Variants in MACF1 observed in about 807,000 individuals in gnomAD.
MACF1 encodes microtubule actin crosslinking factor 1.
A neutral mutation model predicts 854.8 loss-of-function variants in MACF1; 193 were observed. That is an observed-to-expected ratio of 0.23 (90% CI 0.20 to 0.25). MACF1 has a LOEUF of 0.25. MACF1 is among the 10% of genes least tolerant of loss of function. The probability of loss-of-function intolerance (pLI) is 1.00; values close to 1 mark genes in which losing one functional copy is unlikely to be tolerated. For missense variants in MACF1, 7,722 were observed against 8,929.1 expected (o/e 0.86, Z 5.45); for synonymous variants, 3,185 against 3,226.7 (o/e 0.99, Z 0.44).
intron 85 of MACF1, 54 bp downstream of exon 85, chr1:39,451,265 T>G: frequency 6.5e-7 from 1 of 1,530,108 alleles, no homozygotes; most frequent in South Asian, 1.3e-5. Context: ...TGTATATGAC[T>G]GCCTAGGGTC....
Position 39,368,109 on chromosome 1 carries a change from G to A in MACF1, c.12772-39G>A, listed in dbSNP as rs781040550. ...TTCCTTTTTAGAGTATATTTATAAG[G>A]ATTAGAGGATTTAATACATTTCCTT... On this transcript the variant is annotated intron_variant, in intron 49 of 100. Coordinates refer to ENST00000564288, the MANE Select transcript of MACF1 (RefSeq NM_001394062.1). 1.9e-6 allele frequency: 3 copies of A among 1,585,642 alleles called. No homozygotes were observed. The South Asian group carries it at 3.3e-5, about 18-fold the overall frequency.
intron 58 of MACF1, among the ~76,000 whole-genome samples, chr1:39,405,211 C>A (rs1356610133): frequency 1.3e-5 from 2 of 152,118 alleles, no homozygotes; most frequent in African/African-American, 4.8e-5. Flanking sequence ...CACTCCGTAG[C>A]CATGTTTATA....
intron 2 of MACF1, among the ~76,000 whole-genome samples, chr1:39,098,542 G>T (rs762634469): frequency 6.6e-6 from 1 of 152,214 alleles, no homozygotes; most frequent in Non-Finnish European, 1.5e-5. Flanking sequence ...GTGCGGTGAG[G>T]CCTTCCACGC....
At position 39,486,215 on chromosome 1, in the gene MACF1, AT is replaced by A. The variant is rs1200346482; in HGVS notation, c.*422del. Reference sequence around the variant, plus strand: ...GATAAATTATATTAAAAAAATAAGAATCCTGCAGTGTTTAAGGAACTCTTTT... The same window carrying A: ...GATAAATTATATTAAAAAAATAAGAACCTGCAGTGTTTAAGGAACTCTTTT... On this transcript the variant is annotated 3_prime_UTR_variant, in exon 101 of 101. Coordinates refer to ENST00000564288, the MANE Select transcript of MACF1 (RefSeq NM_001394062.1). The A allele has an allele frequency of 6.5e-6, 1 of 153,410 alleles. No individual in the cohort carries two copies. Among genetic ancestry groups the A allele is most frequent in the Non-Finnish European group, 1.5e-5 (1 of 68,634 alleles). The allele number at this position is 153,410 out of a possible 1,614,324, so 9.5% of individuals were successfully genotyped here.
chr1:39,332,068 C>T lies in MACF1; in HGVS notation c.5480C>T (p.Ala1827Val), dbSNP rs772693787. The T allele has an allele frequency of 4.3e-6, 7 of 1,614,020 alleles. No individual in the cohort carries two copies. In the South Asian group the frequency reaches 6.6e-5, roughly 15 times the overall value. Residue 1827 changes from alanine to valine, a missense_variant, in exon 37 of 101, where the codon GCA becomes GTA. Physicochemically the swap from Ala to Val is moderately conservative, Grantham distance 64 (BLOSUM62 0). This residue lies in a region of MACF1 where 1,531 missense variants were observed against 1,601.6 expected (regional missense o/e 0.96). Coordinates refer to ENST00000564288, the MANE Select transcript of MACF1 (RefSeq NM_001394062.1). ...GGGCAAAGGCTAACAATAGATGAAG[C>T]AGTGAGCAATGATCTAGTAGCTGCT... ...VTGQRLTIDE[A>V]VSNDLVAAKI... is the part of the protein sequence containing the mutation.
intron 1 of MACF1, among the ~76,000 whole-genome samples, chr1:39,207,824 A>G (rs1644469389): frequency 6.6e-6 from 1 of 152,120 alleles, no homozygotes; most frequent in South Asian, 2.1e-4. Context: ...TCTGCAATAA[A>G]ACACAACATA....
chr1:39,325,754 C>A (rs531223675), intron 35 of MACF1, among the ~76,000 whole-genome samples: 1 of 152,060 alleles, frequency 6.6e-6, no homozygotes, highest in South Asian at 2.1e-4. Flanking sequence ...TTGTTAGGAC[C>A]GAAGCCAGAA....
Position 39,373,832 on chromosome 1 carries a change from G to A in MACF1, c.13213+1236G>A, listed in dbSNP as rs535559455. 3.3e-5 allele frequency among the ~76,000 whole-genome samples: 5 copies of A among 150,160 alleles called. No individual in the cohort carries two copies. The East Asian group carries it at 7.9e-4, about 24-fold the overall frequency. On this transcript the variant is annotated intron_variant, in intron 52 of 100. Coordinates refer to ENST00000564288, the MANE Select transcript of MACF1 (RefSeq NM_001394062.1). ...CGTGCCACTGTATTCCAGCCTGGGC[G>A]ACGGACGGAGACCCCATCTCAAAAA...
rs142789363 is a variant in MACF1 at position 39,140,040 on chromosome 1, A to G, written c.220+55602A>G. On this transcript the variant is annotated intron_variant, in intron 2 of 93. Coordinates refer to the MACF1 transcript ENST00000361689. The stretch of plus-strand genomic sequence containing the variant: ...GTAAACATGGCTCACAGCAGCCTCA[A>G]ACTCCTGGGCTCAAGAGATTGTCCC... 1.9e-3 allele frequency among the ~76,000 whole-genome samples: 289 copies of G among 152,050 alleles called. 1 individual carries two copies. Among genetic ancestry groups the G allele is most frequent in the African/African-American group, 6.6e-3 (274 of 41,452 alleles).
chr1:39,306,615 T>A (rs1646183131), intron 23 of MACF1, among the ~76,000 whole-genome samples: 1 of 149,866 alleles, frequency 6.7e-6, no homozygotes. Flanking sequence ...TCTATCTTTT[T>A]TTTTTTTTTT....
At chr1:39,364,555 C>T (rs1415474121) in intron 49 of MACF1, among the ~76,000 whole-genome samples, 16 of 151,196 alleles carry the variant, frequency 1.1e-4, no homozygotes, top group Non-Finnish European at 1.9e-4. Context: ...TGCAGTGGCG[C>T]GATCTCGGCT....
chr1:39,153,140 G>T (rs1344001337), intron 2 of MACF1, among the ~76,000 whole-genome samples: 1 of 152,146 alleles, frequency 6.6e-6, no homozygotes, highest in Admixed American at 6.5e-5. Context: ...TGCCTTTGTG[G>T]AAATCAATTT....
chr1:39,247,536 A>G (rs1341086386), intron 2 of MACF1, among the ~76,000 whole-genome samples: 1 of 152,130 alleles, frequency 6.6e-6, no homozygotes, highest in Admixed American at 6.5e-5. Context: ...TGATGGAAAT[A>G]CTGTACATAA....
intron 2 of MACF1, among the ~76,000 whole-genome samples, chr1:39,237,381 G>T (rs1644871449): frequency 6.6e-6 from 1 of 152,206 alleles, no homozygotes; most frequent in African/African-American, 2.4e-5. Context: ...ACTCATTGAG[G>T]ACTGGGATTG....
At chr1:39,200,193 T>C (rs1330793246), upstream of MACF1, among the ~76,000 whole-genome samples, 1 of 152,222 alleles carries the variant, frequency 6.6e-6, no homozygotes, top group Non-Finnish European at 1.5e-5. Flanking sequence ...GCATGGTTAA[T>C]TGCTACTTTT....
intron 2 of MACF1, among the ~76,000 whole-genome samples, chr1:39,143,744 A>G (rs1231546770): frequency 6.6e-6 from 1 of 152,172 alleles, no homozygotes; most frequent in African/African-American, 2.4e-5. Context: ...GGGAATTGCC[A>G]AGCCAGCAAT....
rs930079281 is a variant in MACF1 at position 39,341,330 on chromosome 1, G to A, written c.10581+377G>A. Among the ~76,000 whole-genome samples the A allele has an allele frequency of 9.3e-5, 14 of 150,840 alleles. 1 individual carries two copies. The highest frequency in any genetic ancestry group is 4.0e-4 in the East Asian group (2 of 5,026). ...ATTATAGGTGTGAGCCACCACACCC[G>A]GCCATTTATCTTTCTTAGAAAGTCT... is the stretch of plus-strand genomic sequence containing the variant. On this transcript the variant is annotated intron_variant, in intron 40 of 100. Transcript: ENST00000564288.
intron 15 of MACF1, among the ~76,000 whole-genome samples, chr1:39,289,945 C>T (rs1418110213): frequency 6.6e-6 from 1 of 151,898 alleles, no homozygotes; most frequent in African/African-American, 2.4e-5. Context: ...GGTGATCCAC[C>T]CGTCTCGGCC....
intron 97 of MACF1, among the ~76,000 whole-genome samples, chr1:39,473,558 AGT>A (rs912294849): frequency 6.6e-6 from 1 of 152,182 alleles, no homozygotes; most frequent in African/African-American, 2.4e-5. Flanking sequence ...ACAGCGAGAG[AGT>A]GAGCCCCACT....
Sources: gnomAD v4.1 joint callset for allele counts (sites outside exome capture counted in the v4.1 genomes callset) on GRCh38, gnomAD v4.1.1 for gene constraint, gnomAD v4.1.1 regional missense constraint, MANE v1.5 for transcripts, NCBI Gene and HGNC (gene_info 2026-07-23, HGNC 2026-07-21) for gene names.